PAFAH1B1: variants seen among roughly 807,000 people sequenced by gnomAD.
PAFAH1B1 encodes platelet activating factor acetylhydrolase 1b regulatory subunit 1.
A neutral mutation model predicts 57.5 loss-of-function variants in PAFAH1B1; 2 were observed. The observed-to-expected ratio is 0.03, with a 90% confidence interval of 0.01 to 0.11. PAFAH1B1 has a LOEUF of 0.11. Ranked by LOEUF, PAFAH1B1 falls within the 10% of genes least tolerant of loss-of-function variation. The pLI, the probability that PAFAH1B1 is intolerant of heterozygous loss-of-function variation, is 1.00. For synonymous variants in PAFAH1B1, 152 were observed against 169.6 expected (o/e 0.90, Z 0.81); for missense variants, 257 against 512.0 (o/e 0.50, Z 4.81).
At chr17:2,655,797 A>G (rs894973410) in intron 2 of PAFAH1B1, among the ~76,000 whole-genome samples, 1 of 152,088 alleles carries the variant, frequency 6.6e-6, no homozygotes, top group Non-Finnish European at 1.5e-5. Context: ...AAAAAAAAAA[A>G]TAGAAGAGGA....
intron 1 of PAFAH1B1, among the ~76,000 whole-genome samples, chr17:2,597,644 C>T (rs991250490): frequency 2.0e-5 from 3 of 151,408 alleles, no homozygotes; most frequent in East Asian, 1.9e-4. Context: ...CTCCTGACCT[C>T]GTGATCCGCC....
chr17:2,620,548 G>T (rs2068406262), intron 1 of PAFAH1B1, among the ~76,000 whole-genome samples: 1 of 152,130 alleles, frequency 6.6e-6, no homozygotes, highest in South Asian at 2.1e-4. Flanking sequence ...GTTTTAAAAA[G>T]CTTGTAGAAC....
chr17:2,654,428 G>A (rs1053066352), intron 2 of PAFAH1B1, among the ~76,000 whole-genome samples: 1 of 151,844 alleles, frequency 6.6e-6, no homozygotes, highest in Non-Finnish European at 1.5e-5. Flanking sequence ...GCCCGCCTCA[G>A]CCTCTCAAAG....
intron 4 of PAFAH1B1, 143 bp downstream of exon 4, chr17:2,666,233 A>T: frequency 3.6e-6 from 3 of 830,966 alleles, no homozygotes; most frequent in Non-Finnish European, 5.4e-6. Context: ...CATGAAAAGT[A>T]TGACCTAGGC....
chr17:2,638,628 C>T, intron 2 of PAFAH1B1: 1 of 290,920 alleles, frequency 3.4e-6, no homozygotes, highest in Non-Finnish European at 6.5e-6. Flanking sequence ...CTGCCTCAGC[C>T]TCCCAAGTAG....
chr17:2,644,407 G>T (rs995366037), intron 2 of PAFAH1B1, among the ~76,000 whole-genome samples: 1 of 152,114 alleles, frequency 6.6e-6, no homozygotes, highest in African/African-American at 2.4e-5. Context: ...GCCGGGCGTG[G>T]TGGTGGGCGC....
In PAFAH1B1 at chr17:2,684,939, TAAAGAA is replaced by T. The variant is rs2069452416; in HGVS notation, c.*3141_*3146del. ...TAAATAGGTTTTCTTTAAACTTAATTAAAGAAAAACTATTTAAAGGTAAAGGATATT... is the reference window on the plus strand; with the variant it reads ...TAAATAGGTTTTCTTTAAACTTAATTAAACTATTTAAAGGTAAAGGATATT... On this transcript the variant is annotated 3_prime_UTR_variant, in exon 11 of 11. Coordinates refer to ENST00000397195, the MANE Select transcript of PAFAH1B1 (RefSeq NM_000430.4). The T allele has an allele frequency of 6.6e-6, 1 of 152,166 alleles. No homozygotes were observed. The highest frequency in any genetic ancestry group is 1.5e-5 in the Non-Finnish European group (1 of 68,016). The allele number at this position is 152,166 out of a possible 1,614,324, so 9.4% of individuals were successfully genotyped here.
chr17:2,629,418 G>A lies in PAFAH1B1; in HGVS notation c.-190-8681G>A, dbSNP rs187788679. On this transcript the variant is annotated intron_variant, in intron 1 of 10. Coordinates refer to ENST00000397195, the MANE Select transcript of PAFAH1B1 (RefSeq NM_000430.4). ...TGCATGGTTTTGAAGGTTCATTTTG[G>A]AGTTTATTTTCAGTTTTATTCCATC... Among the ~76,000 whole-genome samples the A allele has an allele frequency of 5.4e-3, 826 of 152,196 alleles. 6 individuals carry two copies. The highest frequency in any genetic ancestry group is 0.016 in the South Asian group (79 of 4,826).
In PAFAH1B1 at chr17:2,607,094, G is replaced by T. The variant is rs146041810; in HGVS notation, c.-191+13088G>T. The stretch of plus-strand genomic sequence containing the variant: ...CCGCCTCGGCCTCCTGCGGTGCTGG[G>T]ATTACAGGCTTGAGCCACCACGCTT... On this transcript the variant is annotated intron_variant, in intron 1 of 10. Coordinates refer to ENST00000397195, the MANE Select transcript of PAFAH1B1 (RefSeq NM_000430.4). Among the ~76,000 whole-genome samples the T allele has an allele frequency of 5.4e-3, 824 of 152,254 alleles. 6 individuals are homozygous for T. Among genetic ancestry groups the T allele is most frequent in the South Asian group, 0.016 (79 of 4,832 alleles).
rs2068589786 is a variant in PAFAH1B1, at chr17:2,633,986, T to C, written c.-190-4113T>C. On this transcript the variant is annotated intron_variant, in intron 1 of 10. Coordinates refer to ENST00000397195, the MANE Select transcript of PAFAH1B1 (RefSeq NM_000430.4). ...CTTTTTTTTTTTTTTTTTTTTTTAA[T>C]AGGTTGGTTCGCTTCAGAACTAACT... 2.8e-5 allele frequency among the ~76,000 whole-genome samples: 4 copies of C among 144,686 alleles called. 1 individual carries two copies. In the South Asian group the frequency reaches 8.8e-4, roughly 32 times the overall value. 94.9% of individuals were successfully genotyped at this position (144,686 alleles called of 152,430 possible).
chr17:2,675,545 T>TA (rs2069249320), intron 8 of PAFAH1B1, among the ~76,000 whole-genome samples: 1 of 152,022 alleles, frequency 6.6e-6, no homozygotes, highest in South Asian at 2.1e-4. Flanking sequence ...CTCACGCCTG[T>TA]AATCCCAGCA....
At chr17:2,649,632 C>T (rs1334496627) in intron 2 of PAFAH1B1, among the ~76,000 whole-genome samples, 2 of 152,104 alleles carry the variant, frequency 1.3e-5, no homozygotes, top group Non-Finnish European at 2.9e-5. Flanking sequence ...AAAGATTTTC[C>T]TTGTTTCTGG....
At chr17:2,621,196 G>A (rs994716206) in intron 1 of PAFAH1B1, among the ~76,000 whole-genome samples, 1 of 151,962 alleles carries the variant, frequency 6.6e-6, no homozygotes, top group Non-Finnish European at 1.5e-5. Flanking sequence ...GTACCCATTC[G>A]TTATTTTTGC....
At chr17:2,634,482 T>C (rs1453865938) in intron 1 of PAFAH1B1, among the ~76,000 whole-genome samples, 1 of 152,134 alleles carries the variant, frequency 6.6e-6, no homozygotes, top group Non-Finnish European at 1.5e-5. Context: ...TTGACTGACT[T>C]TCTCCCTTTC....
intron 1 of PAFAH1B1, among the ~76,000 whole-genome samples, chr17:2,628,155 G>A (rs986230744): frequency 2.0e-5 from 3 of 152,070 alleles, no homozygotes; most frequent in Non-Finnish European, 2.9e-5. Flanking sequence ...TGTCTTGTTC[G>A]AGTTCTCAGA....
intron 1 of PAFAH1B1, among the ~76,000 whole-genome samples, chr17:2,597,350 G>A (rs1279369946): frequency 1.3e-5 from 2 of 150,984 alleles, no homozygotes; most frequent in African/African-American, 2.4e-5. Flanking sequence ...GATGTTTCTG[G>A]GAAGGAAAAG....
intron 1 of PAFAH1B1, chr17:2,613,759 T>C: frequency 3.2e-6 from 1 of 307,698 alleles, no homozygotes; most frequent in South Asian, 4.1e-5. Flanking sequence ...AGAGTCCCCC[T>C]GTGGCGCTGG....
intron 2 of PAFAH1B1, among the ~76,000 whole-genome samples, chr17:2,663,625 A>G (rs554867842): frequency 5.9e-5 from 9 of 151,928 alleles, no homozygotes; most frequent in Non-Finnish European, 8.8e-5. Flanking sequence ...TAAAGGTTCT[A>G]CATTAACTGG....
chr17:2,638,800 G>C (rs1567540812), intron 2 of PAFAH1B1, among the ~76,000 whole-genome samples: 1 of 152,006 alleles, frequency 6.6e-6, no homozygotes, highest in Non-Finnish European at 1.5e-5. Context: ...GAGCCACTTT[G>C]CCCGGCCGTG....
Sources: gnomAD v4.1 joint callset for allele counts (sites outside exome capture counted in the v4.1 genomes callset) on GRCh38, gnomAD v4.1.1 for gene constraint, MANE v1.5 for transcripts, NCBI Gene and HGNC (gene_info 2026-07-23, HGNC 2026-07-21) for gene names.